The following DGKI variants were observed in gnomAD, a reference collection of about 807,000 sequenced individuals.
DGKI encodes the protein DAG kinase iota.
DGKI carries 55 observed loss-of-function variants against 147.5 expected under a neutral mutation model. The observed-to-expected ratio is 0.37, with a 90% CI of 0.30 to 0.47. The LOEUF is 0.47. Among genes scored for constraint, DGKI ranks in the 20% least tolerant of loss-of-function variants. DGKI has a pLI of 1.00. For synonymous variants in DGKI, 469 were observed against 477.1 expected (o/e 0.98, Z 0.22); for missense variants, 1,007 against 1,323.8 (o/e 0.76, Z 3.71).
chr7:137,600,836 GGTTT>G (rs1378637710), intron 10 of DGKI, among the ~76,000 whole-genome samples: 11 of 152,034 alleles, frequency 7.2e-5, no homozygotes, highest in Non-Finnish European at 1.6e-4. Context: ...TGCCTATACT[GGTTT>G]GTTTAAGCCA....
rs990750847 is a variant in DGKI at position 137,754,913 on chromosome 7, T to C, written c.402-64911A>G. 3.3e-5 allele frequency among the ~76,000 whole-genome samples: 5 copies of C among 152,158 alleles called. No individual in the cohort carries two copies. The South Asian group carries it at 6.2e-4, about 19-fold the overall frequency. ...TTAAAATATCACACGTGATGGAACT[T>C]TCAGGGTTGTTTGACAGACGCATAA... On this transcript the variant is annotated intron_variant, in intron 1 of 32. Coordinates refer to ENST00000614521, the MANE Select transcript of DGKI (RefSeq NM_001321708.2).
Position 137,529,224 on chromosome 7 carries a change from A to G in DGKI, c.2148-7258T>C, listed in dbSNP as rs1817253862. On this transcript the variant is annotated intron_variant, in intron 20 of 32. Coordinates refer to ENST00000614521, the MANE Select transcript of DGKI (RefSeq NM_001321708.2). ...AATGATGAGAAATTACTTAATGGGT[A>G]CAACATATGCTATTTTGGTGATAGA... Among the ~76,000 whole-genome samples the G allele has an allele frequency of 2.0e-5, 3 of 152,178 alleles. No homozygotes were observed. The South Asian group carries it at 6.2e-4, about 32-fold the overall frequency.
intron 21 of DGKI, among the ~76,000 whole-genome samples, chr7:137,494,518 C>G (rs1469519758): frequency 6.6e-6 from 1 of 152,184 alleles, no homozygotes; most frequent in Non-Finnish European, 1.5e-5. Flanking sequence ...GGCCTATATT[C>G]AGCATTCTTA....
intron 3 of DGKI, among the ~76,000 whole-genome samples, chr7:137,670,643 A>G (rs1231900744): frequency 2.0e-5 from 3 of 152,242 alleles, no homozygotes; most frequent in Non-Finnish European, 4.4e-5. Flanking sequence ...TCCATGAGTC[A>G]TCTTGATTCA....
intron 1 of DGKI, among the ~76,000 whole-genome samples, chr7:137,785,696 C>A (rs987264328): frequency 1.3e-5 from 2 of 152,040 alleles, no homozygotes; most frequent in African/African-American, 4.8e-5. Flanking sequence ...GACCAATACC[C>A]TTGATCAACA....
At chr7:137,775,273 C>T (rs1175508537) in intron 1 of DGKI, among the ~76,000 whole-genome samples, 2 of 152,024 alleles carry the variant, frequency 1.3e-5, no homozygotes, top group African/African-American at 4.8e-5. Context: ...CTGGGAGGAC[C>T]GTAATGAAAC....
At chr7:137,771,267 T>C (rs1394799001) in intron 1 of DGKI, among the ~76,000 whole-genome samples, 1 of 152,090 alleles carries the variant, frequency 6.6e-6, no homozygotes, top group African/African-American at 2.4e-5. Context: ...ATTTTTGTAT[T>C]TTTAGTAGAG....
intron 23 of DGKI, among the ~76,000 whole-genome samples, chr7:137,474,014 A>G (rs1053051515): frequency 3.3e-5 from 5 of 152,190 alleles, no homozygotes; most frequent in East Asian, 1.9e-4. Context: ...TCCCTGAAAT[A>G]CATTTGCATC....
At chr7:137,492,194 C>T (rs2128938320) in intron 21 of DGKI, among the ~76,000 whole-genome samples, 1 of 152,248 alleles carries the variant, frequency 6.6e-6, no homozygotes, top group East Asian at 1.9e-4. Context: ...ATGTTTCCCA[C>T]TTTTAATAAT....
intron 22 of DGKI, 46 bp from the exon 23 acceptor site, chr7:137,485,464 G>T (rs1027174675): frequency 6.9e-7 from 1 of 1,458,304 alleles, no homozygotes; most frequent in African/African-American, 1.4e-5. Context: ...AAATTAGTTT[G>T]AACAAGCTGC....
chr7:137,495,679 A>G (rs1319054477), intron 21 of DGKI, among the ~76,000 whole-genome samples: 1 of 152,154 alleles, frequency 6.6e-6, no homozygotes, highest in Admixed American at 6.6e-5. Context: ...AATGTGATAC[A>G]TCATATAAAT....
intron 1 of DGKI, among the ~76,000 whole-genome samples, chr7:137,777,950 C>A (rs895327735): frequency 2.0e-5 from 3 of 152,152 alleles, no homozygotes; most frequent in Non-Finnish European, 4.4e-5. Flanking sequence ...GCTATTCAGT[C>A]CGTTCACCTT....
At chr7:137,831,083 C>CA (rs1798203407) in intron 1 of DGKI, among the ~76,000 whole-genome samples, 1 of 152,130 alleles carries the variant, frequency 6.6e-6, no homozygotes. Flanking sequence ...TTTCCTATAA[C>CA]AAAAACTCTC....
At chr7:137,643,363 T>C (rs545439406) in intron 6 of DGKI, among the ~76,000 whole-genome samples, 2 of 150,754 alleles carry the variant, frequency 1.3e-5, no homozygotes, top group South Asian at 2.1e-4. Flanking sequence ...ATGAAAATTA[T>C]GTATAGCACC....
chr7:137,575,931 A>C (rs834435), intron 17 of DGKI, among the ~76,000 whole-genome samples: 29,560 of 151,596 alleles, frequency 0.19, 4,970 homozygotes, highest in African/African-American at 0.45. Flanking sequence ...TTATATTTTC[A>C]TGCTCCTTAT....
intron 13 of DGKI, among the ~76,000 whole-genome samples, chr7:137,585,812 C>T (rs1819373601): frequency 6.6e-6 from 1 of 152,164 alleles, no homozygotes; most frequent in Non-Finnish European, 1.5e-5. Context: ...TTGGAAGACA[C>T]CATTCTTCCC....
intron 29 of DGKI, among the ~76,000 whole-genome samples, chr7:137,410,776 CT>C (rs1812133753): frequency 6.6e-6 from 1 of 152,184 alleles, no homozygotes; most frequent in African/African-American, 2.4e-5. Context: ...TTATTCATGC[CT>C]TTGTTTCCCA....
In DGKI at chr7:137,651,029, C is replaced by A. The variant is rs1246423174; in HGVS notation, c.738+3703G>T. Among the ~76,000 whole-genome samples the A allele has an allele frequency of 2.6e-5, 4 of 152,260 alleles. No individual in the cohort carries two copies. In the South Asian group the frequency reaches 8.3e-4, roughly 32 times the overall value. On this transcript the variant is annotated intron_variant, in intron 5 of 32. Transcript: ENST00000614521. ...GCCAGACAATGTGGACCTTTTCATGCCAAGACAGAGGGTTTGCTTTTGCTC... is the reference window on the plus strand; with the variant it reads ...GCCAGACAATGTGGACCTTTTCATGACAAGACAGAGGGTTTGCTTTTGCTC...
chr7:137,758,753 G>T (rs910302408), intron 1 of DGKI, among the ~76,000 whole-genome samples: 1 of 151,968 alleles, frequency 6.6e-6, no homozygotes, highest in Non-Finnish European at 1.5e-5. Context: ...GACTAAGGAA[G>T]AGTGTGATAT....
Sources: gnomAD v4.1 joint callset for allele counts (sites outside exome capture counted in the v4.1 genomes callset) on GRCh38, gnomAD v4.1.1 for gene constraint, MANE v1.5 for transcripts, NCBI Gene and HGNC (gene_info 2026-07-23, HGNC 2026-07-21) for gene names.